The following PACRG variants were observed in gnomAD, a reference collection of about 807,000 sequenced individuals.
PACRG encodes parkin coregulated.
Under a neutral mutation model 29.7 loss-of-function variants are expected in PACRG, and 29 were observed. The ratio of observed to expected loss-of-function variants is 0.98; its 90% CI spans 0.73 to 1.33. The LOEUF is 1.33. Ranked by LOEUF, PACRG falls within the 40% of genes most tolerant of loss-of-function variation. The pLI, the probability that PACRG is intolerant of heterozygous loss-of-function variation, is 0.00. For missense variants in PACRG, 279 were observed against 316.2 expected (o/e 0.88, Z 0.89); for synonymous variants, 116 against 118.7 (o/e 0.98, Z 0.15).
intron 4 of PACRG, among the ~76,000 whole-genome samples, chr6:163,145,663 C>T (rs1221947926): frequency 6.6e-6 from 1 of 152,216 alleles, no homozygotes; most frequent in African/African-American, 2.4e-5. Context: ...ACAGCGCCAC[C>T]ACAAAGGACA....
chr6:163,154,503 A>ATT (rs1164762269), intron 4 of PACRG, among the ~76,000 whole-genome samples: 2 of 152,182 alleles, frequency 1.3e-5, no homozygotes, highest in Non-Finnish European at 2.9e-5. Context: ...AAGACAGACA[A>ATT]AAGGACTGGA....
At chr6:163,270,783 A>T (rs1441701963) in intron 4 of PACRG, among the ~76,000 whole-genome samples, 1 of 152,206 alleles carries the variant, frequency 6.6e-6, no homozygotes, top group African/African-American at 2.4e-5. Flanking sequence ...ATTCTGTCAA[A>T]ATCACCACAA....
intron 2 of PACRG, among the ~76,000 whole-genome samples, chr6:162,996,449 A>G (rs1804058965): frequency 6.6e-6 from 1 of 152,112 alleles, no homozygotes; most frequent in South Asian, 2.1e-4. Context: ...CTTTGATCCA[A>G]AATAGACCCC....
At chr6:163,245,148 A>G (rs185020631) in intron 4 of PACRG, 185 of 391,462 alleles carry the variant, frequency 4.7e-4, no homozygotes, top group African/African-American at 3.0e-3. Flanking sequence ...TCCAAACTAA[A>G]TAAAACAAGG....
At chr6:163,251,174 A>G (rs1207872818) in intron 4 of PACRG, among the ~76,000 whole-genome samples, 4 of 152,018 alleles carry the variant, frequency 2.6e-5, no homozygotes, top group Admixed American at 2.6e-4. Flanking sequence ...TGCTCGGGTG[A>G]TGTGTGCATC....
At chr6:163,190,792 G>T in intron 4 of PACRG, 2 of 330,892 alleles carry the variant, frequency 6.0e-6, no homozygotes, top group Non-Finnish European at 1.2e-5. Flanking sequence ...CTGTGAGCCC[G>T]CTCCAAAGAT....
At position 163,259,635 on chromosome 6, in the gene PACRG, G is replaced by A. The variant is rs142005441; in HGVS notation, c.614-55192G>A. 3.1e-3 allele frequency among the ~76,000 whole-genome samples: 465 copies of A among 152,210 alleles called. 3 individuals carry two copies. The highest frequency in any genetic ancestry group is 2.7e-3 in the Non-Finnish European group (187 of 68,014). On this transcript the variant is annotated intron_variant, in intron 4 of 4. Coordinates refer to ENST00000366888, the MANE Select transcript of PACRG (RefSeq NM_001080379.2). Reference sequence around the variant, plus strand: ...AGACCCACAGCCTCAGCCTCACTTTGGACCTCAGGAGGACCTCACCCCAAA... The same window carrying A: ...AGACCCACAGCCTCAGCCTCACTTTAGACCTCAGGAGGACCTCACCCCAAA...
intron 4 of PACRG, chr6:163,191,921 C>G: frequency 2.7e-6 from 1 of 376,364 alleles, no homozygotes; most frequent in Non-Finnish European, 5.3e-6. Context: ...TGTCCTGCTC[C>G]TCAATGTCCC....
chr6:162,847,175 C>T (rs952049034), intron 2 of PACRG, among the ~76,000 whole-genome samples: 19 of 152,256 alleles, frequency 1.2e-4, no homozygotes, highest in African/African-American at 1.7e-4. Flanking sequence ...GACCACCTTA[C>T]GGGTCCACAC....
rs769014101 is a variant in PACRG at position 162,907,952 on chromosome 6, C to T, written c.291+93671C>T. Among the ~76,000 whole-genome samples, 57 of 152,254 alleles carry T rather than the reference C, an allele frequency of 3.7e-4. 1 individual carries two copies. Among genetic ancestry groups the T allele is most frequent in the South Asian group, 3.5e-3 (17 of 4,812 alleles). ...CATATAATTTCAGTGACTGAAATCT[C>T]ATATGCCTTGAAAACCTAAGAGCTG... On this transcript the variant is annotated intron_variant, in intron 2 of 4. Transcript: ENST00000366888.
chr6:163,206,337 TA>T (rs1278049671), intron 4 of PACRG, among the ~76,000 whole-genome samples: 1 of 152,092 alleles, frequency 6.6e-6, no homozygotes, highest in East Asian at 1.9e-4. Context: ...GTAGACTGGA[TA>T]AAAAATGTAG....
intron 4 of PACRG, among the ~76,000 whole-genome samples, chr6:163,100,555 C>T (rs1481261874): frequency 6.6e-6 from 1 of 152,172 alleles, no homozygotes; most frequent in Non-Finnish European, 1.5e-5. Context: ...TTCCCCGCGA[C>T]TCTTTAAGCA....
chr6:163,290,284 AC>A (rs1784552673), intron 4 of PACRG, among the ~76,000 whole-genome samples: 1 of 78,130 alleles, frequency 1.3e-5, no homozygotes, highest in Non-Finnish European at 2.8e-5. Context: ...GCGCGCACAC[AC>A]ACACACACAC....
chr6:163,220,689 G>T lies in PACRG; in HGVS notation c.614-94138G>T, dbSNP rs551593474. Reference sequence around the variant, plus strand: ...ATTTGCATATCTTTCCTTTAATTATGTTTTTTTAAGAGAGTATGTGGAGAA... The same window carrying T: ...ATTTGCATATCTTTCCTTTAATTATTTTTTTTTAAGAGAGTATGTGGAGAA... On this transcript the variant is annotated intron_variant, in intron 4 of 4. Coordinates refer to ENST00000366888, the MANE Select transcript of PACRG (RefSeq NM_001080379.2). 1.1e-4 allele frequency among the ~76,000 whole-genome samples: 16 copies of T among 152,168 alleles called. No homozygotes were observed. In the South Asian group the frequency reaches 2.1e-3, roughly 20 times the overall value.
intron 2 of PACRG, among the ~76,000 whole-genome samples, chr6:162,948,583 C>T (rs9355411): frequency 0.52 from 79,335 of 151,894 alleles, 21,630 homozygotes; most frequent in Middle Eastern, 0.69. Context: ...AGGACACAAT[C>T]AACAGAATGA....
chr6:162,799,921 T>C (rs1261551383), intron 1 of PACRG, among the ~76,000 whole-genome samples: 1 of 152,218 alleles, frequency 6.6e-6, no homozygotes, highest in East Asian at 1.9e-4. Context: ...CTTTCAACAT[T>C]AAAGGTATTA....
intron 4 of PACRG, among the ~76,000 whole-genome samples, chr6:163,154,771 C>G (rs1354080281): frequency 3.3e-5 from 5 of 152,150 alleles, no homozygotes; most frequent in African/African-American, 1.2e-4. Context: ...GTAAAGTTAA[C>G]TGAGCATCTG....
intron 4 of PACRG, among the ~76,000 whole-genome samples, chr6:163,092,269 G>T (rs1814176231): frequency 6.6e-6 from 1 of 152,188 alleles, no homozygotes; most frequent in Non-Finnish European, 1.5e-5. Context: ...AGCAGTGGGG[G>T]TTGCAGAGCC....
At chr6:162,941,877 A>G (rs905081599) in intron 2 of PACRG, among the ~76,000 whole-genome samples, 9 of 152,186 alleles carry the variant, frequency 5.9e-5, no homozygotes, top group African/African-American at 1.7e-4. Flanking sequence ...TTTAAAAGAA[A>G]AAAAGCCAGT....
Sources: allele counts gnomAD v4.1 joint callset (sites outside exome capture counted in the v4.1 genomes callset), GRCh38; gene constraint gnomAD v4.1.1; transcripts MANE v1.5; gene names NCBI Gene and HGNC (gene_info 2026-07-23, HGNC 2026-07-21).